SETD1B: variants seen among roughly 807,000 people sequenced by gnomAD.
The protein encoded by SETD1B is SET domain containing 1B, histone lysine methyltransferase, also known as histone-lysine N-methyltransferase SETD1B.
A neutral mutation model predicts 148.0 loss-of-function variants in SETD1B; 7 were observed. That is an observed-to-expected ratio of 0.05 (90% CI 0.03 to 0.09). SETD1B has a LOEUF of 0.09. Among genes scored for constraint, SETD1B ranks in the 10% least tolerant of loss-of-function variants. The pLI is 1.00. For missense variants in SETD1B, 2,155 were observed against 2,729.9 expected (o/e 0.79, Z 4.69); for synonymous variants, 1,361 against 1,186.5 (o/e 1.15, Z -3.02).
the SETD1B span, among the ~76,000 whole-genome samples, chr12:121,798,412 A>C: frequency 6.6e-6 from 1 of 152,202 alleles, no homozygotes; most frequent in Non-Finnish European, 1.5e-5. Context: ...GGAAGCTCTG[A>C]GGCAGCCCAG....
Position 121,825,846 on chromosome 12 carries a change from A to G in SETD1B, c.5337+480A>G, listed in dbSNP as rs150936729. ...TTTTTAGTAGAGATGGGGTTTTGCC[A>G]TGTTGGCCAGGTTGGTCTCGAACTC... On this transcript the variant is annotated intron_variant, in intron 13 of 16. Coordinates refer to ENST00000604567, the MANE Select transcript of SETD1B (RefSeq NM_001353345.2). Among the ~76,000 whole-genome samples the G allele has an allele frequency of 9.1e-4, 138 of 152,168 alleles. 4 individuals carry two copies. The East Asian group carries it at 0.025, about 27-fold the overall frequency.
chr12:121,810,108 C>T lies in SETD1B; in HGVS notation c.1163C>T (p.Thr388Ile), dbSNP rs930791047. Residue 388 changes from threonine (T) to isoleucine (I), a missense_variant, in exon 6 of 17, where the codon ACC becomes ATC. By Grantham distance (89) the Thr-to-Ile change is moderately conservative. Transcript: ENST00000604567. The surrounding 1 kb of genome is among the most constrained non-coding windows in gnomAD (Gnocchi z 7.6). ...FAHTPPPAQA[T>I]PAPGFKSAFS... ...CACACTCCACCACCCGCCCAAGCAA[C>T]CCCTGCTCCTGGATTCAAGTCTGCT... The T allele has an allele frequency of 7.1e-6, 11 of 1,550,178 alleles. No individual in the cohort carries two copies. The highest frequency in any genetic ancestry group is 1.2e-5 in the South Asian group (1 of 84,056).
chr12:121,822,784 A>G lies in SETD1B; in HGVS notation c.4205A>G (p.Gln1402Arg). 2 of 1,513,258 alleles carry G rather than the reference A, an allele frequency of 1.3e-6. No homozygotes were observed. Among genetic ancestry groups the G allele is most frequent in the Non-Finnish European group, 8.9e-7 (1 of 1,125,180 alleles). The allele number at this position is 1,513,258 out of a possible 1,614,324, so 93.7% of individuals were successfully genotyped here. The stretch of plus-strand genomic sequence containing the variant: ...AGTGGCCTGTCCCTGAGCTCTCCGC[A>G]AGTGCCCGGCAGCCCCTTCTCCTAC... ...GSSGLSLSSP[Q>R]VPGSPFSYPA... is the part of the protein sequence containing the mutation. Residue 1402 changes from glutamine to arginine, a missense_variant, in exon 12 of 17, where the codon CAA becomes CGA. This residue lies in a region of SETD1B where 862 missense variants were observed against 873.8 expected (regional missense o/e 0.99). Transcript: ENST00000604567.
chr12:121,806,940 G>A (rs1429882807), intron 4 of SETD1B, among the ~76,000 whole-genome samples: 2 of 152,166 alleles, frequency 1.3e-5, no homozygotes, highest in Non-Finnish European at 2.9e-5. Context: ...AGAAGGTGCC[G>A]AGTGCTTTGA....
In SETD1B at chr12:121,805,168, G is replaced by C. The variant is rs370308024; in HGVS notation, c.225G>C (p.Gly75=). ...VEIVEDPRVV[G]IWTKNKELEL... ...TTGTCGAAGATCCCCGGGTCGTCGG[G>C]ATCTGGACCAAAAACAAGGAGCTGG... The change falls in exon 3 of 17, where the codon GGG becomes GGC. Residue 75 remains glycine (G), a synonymous_variant. Coordinates refer to ENST00000604567, the MANE Select transcript of SETD1B (RefSeq NM_001353345.2). This position sits in a 1 kb window ranked among gnomAD's most constrained non-coding sequence, Gnocchi z 4.2. The C allele has an allele frequency of 3.9e-6, 6 of 1,551,468 alleles. No individual in the cohort carries two copies. In the African/African-American group the frequency reaches 8.2e-5, roughly 21 times the overall value.
chr12:121,816,886 T>C (rs780808302), intron 7 of SETD1B, 147 bp from the exon 8 acceptor site: 15 of 690,100 alleles, frequency 2.2e-5, no homozygotes, highest in Non-Finnish European at 3.3e-5. Context: ...GGTAACGGCA[T>C]AGTGTGGCCA....
upstream of SETD1B, chr12:121,802,396 C>T (rs1295883957): frequency 2.0e-5 from 3 of 152,188 alleles, no homozygotes; most frequent in Non-Finnish European, 4.4e-5. Flanking sequence ...GTAACAACTG[C>T]TCACAATTTT....
chr12:121,811,289 G>C (rs1379748593), intron 6 of SETD1B, among the ~76,000 whole-genome samples: 2 of 152,140 alleles, frequency 1.3e-5, no homozygotes, highest in African/African-American at 4.8e-5. Flanking sequence ...AGAATACTGT[G>C]CTGGGCTAAG....
the SETD1B span, among the ~76,000 whole-genome samples, chr12:121,798,975 G>A: frequency 6.6e-6 from 1 of 152,218 alleles, no homozygotes; most frequent in African/African-American, 2.4e-5. Flanking sequence ...CCAGGCTAGG[G>A]GCTGGAGTCT....
chr12:121,827,916 C>A lies in SETD1B; in HGVS notation c.5590-17C>A, dbSNP rs1876916836. On this transcript the variant is annotated splice_polypyrimidine_tract_variant and intron_variant, in intron 15 of 16. Coordinates refer to ENST00000604567, the MANE Select transcript of SETD1B (RefSeq NM_001353345.2). ...CATGGGGCCGGCCCAGCCAGACTGA[C>A]CCCCTTTTGTGGCCAGGTGATCGCA... 1.3e-6 allele frequency: 2 copies of A among 1,552,206 alleles called. No homozygotes were observed. The highest frequency in any genetic ancestry group is 1.2e-5 in the South Asian group (1 of 84,084).
In SETD1B at chr12:121,823,359, C is replaced by A; in HGVS notation, c.4780C>A (p.Pro1594Thr). ...CCTTCCCCCCCAGCCACCCCCACCC[C>A]CACCTCCCCCACCTGTAGAGCCCAC... is the stretch of plus-strand genomic sequence containing the variant. ...PPLPPQPPPP[P>T]PPPPVEPTKL... Residue 1594 changes from proline to threonine, a missense_variant, in exon 12 of 17, where the codon CCA (proline) becomes ACA (threonine). Pro to Thr is a conservative substitution (Grantham distance 38). Coordinates refer to ENST00000604567, the MANE Select transcript of SETD1B (RefSeq NM_001353345.2). The A allele has an allele frequency of 1.4e-6, 2 of 1,421,420 alleles. No individual in the cohort carries two copies. The highest frequency in any genetic ancestry group is 2.6e-5 in the East Asian group (1 of 38,832). 88.1% of individuals were successfully genotyped at this position (1,421,420 alleles called of 1,614,324 possible).
rs748311956 is a variant in SETD1B, at chr12:121,827,863, C to T, written c.5589+9C>T. 32 of 1,555,380 alleles carry T rather than the reference C, an allele frequency of 2.1e-5. No homozygotes were observed. Among genetic ancestry groups the T allele is most frequent in the East Asian group, 9.7e-5 (4 of 41,304 alleles). On this transcript the variant is annotated intron_variant, in intron 15 of 16. Coordinates refer to ENST00000604567, the MANE Select transcript of SETD1B (RefSeq NM_001353345.2). ...GCCAGAATATCCGTCAGGTAGGCAC[C>T]GCCCGGCAGGATGGGCACCGGGGTG...
Position 121,819,783 on chromosome 12 carries a change from G to A in SETD1B, c.3798G>A (p.Arg1266=). ...PVGVEEPADS[R]EPPEEPGLSQ... ...GTGTTGAAGAGCCAGCGGACTCCAGGGAGCCGCCTGAGGAACCAGGCCTGA... is the reference window on the plus strand; with the variant it reads ...GTGTTGAAGAGCCAGCGGACTCCAGAGAGCCGCCTGAGGAACCAGGCCTGA... The change falls in exon 11 of 17, where the codon AGG becomes AGA. Residue 1266 remains arginine (R), a synonymous_variant. Coordinates refer to ENST00000604567, the MANE Select transcript of SETD1B (RefSeq NM_001353345.2). The A allele has an allele frequency of 6.4e-7, 1 of 1,551,600 alleles. No individual in the cohort carries two copies.
Position 121,823,559 on chromosome 12 carries a change from C to A in SETD1B, c.4980C>A (p.Pro1660=). The part of the protein sequence containing the change: ...HEDLVPPAGS[P]ELSPPQPLFR... ...ACCTGGTGCCACCTGCGGGCTCGCC[C>A]GAACTCTCGCCACCCCAGCCCCTCT... Residue 1660 remains proline, a synonymous_variant, in exon 12 of 17, where the codon CCC becomes CCA. Coordinates refer to ENST00000604567, the MANE Select transcript of SETD1B (RefSeq NM_001353345.2). 6.4e-7 allele frequency: 1 copy of A among 1,551,214 alleles called. No individual in the cohort carries two copies. The highest frequency in any genetic ancestry group is 8.7e-7 in the Non-Finnish European group (1 of 1,146,932).
the SETD1B span, chr12:121,797,969 G>T: frequency 4.2e-6 from 1 of 237,616 alleles, no homozygotes; most frequent in African/African-American, 2.3e-5. Context: ...CGGCTCATCG[G>T]GGATTGAAGA....
chr12:121,794,430 A>T, the SETD1B span: 2 of 152,406 alleles, frequency 1.3e-5, no homozygotes, highest in East Asian at 3.9e-4. Flanking sequence ...CAGGAGCCAG[A>T]GGCGTGAACC....
chr12:121,807,444 TAAAAAA>T (rs33988047), intron 4 of SETD1B, among the ~76,000 whole-genome samples: 2 of 132,760 alleles, frequency 1.5e-5, no homozygotes, highest in African/African-American at 2.9e-5. Flanking sequence ...TTCAATTCTG[TAAAAAA>T]AAAAAAAAAA....
At chr12:121,820,783 T>C (rs1482113036) in intron 11 of SETD1B, among the ~76,000 whole-genome samples, 1 of 152,180 alleles carries the variant, frequency 6.6e-6, no homozygotes, top group Non-Finnish European at 1.5e-5. Flanking sequence ...TCCACCCACC[T>C]CGGCCTCCCA....
chr12:121,824,002 A>G (rs1028056702), intron 12 of SETD1B, among the ~76,000 whole-genome samples: 6 of 152,240 alleles, frequency 3.9e-5, no homozygotes, highest in African/African-American at 1.4e-4. Context: ...TCTCAGGGTC[A>G]CATGTAACAG....
Sources: allele counts gnomAD v4.1 joint callset (sites outside exome capture counted in the v4.1 genomes callset), GRCh38; gene constraint gnomAD v4.1.1; regional missense constraint gnomAD v4.1.1; non-coding constraint Gnocchi (gnomAD v3.1); transcripts MANE v1.5; gene names NCBI Gene and HGNC (gene_info 2026-07-23, HGNC 2026-07-21).